BCAR1: variants seen among roughly 807,000 people sequenced by gnomAD.
BCAR1 encodes the protein BCAR1 scaffold protein, Cas family member.
BCAR1 carries 30 observed loss-of-function variants against 67.6 expected under a neutral mutation model. That is an observed-to-expected ratio of 0.44 (90% CI 0.33 to 0.60). BCAR1 has a LOEUF of 0.60. Among genes scored for constraint, BCAR1 ranks in the 20% least tolerant of loss-of-function variants. The pLI is 0.02. For missense variants in BCAR1, 1,313 were observed against 1,222.3 expected (o/e 1.07, Z -1.11); for synonymous variants, 626 against 556.7 (o/e 1.12, Z -1.75).
intron 3 of BCAR1, 26 bp downstream of exon 3, chr16:75,237,157 C>T (rs1175243785): frequency 6.7e-7 from 1 of 1,501,522 alleles, no homozygotes; most frequent in Non-Finnish European, 8.8e-7. Context: ...GCCCTGCCCT[C>T]CCACCGCTGC....
intron 1 of BCAR1, chr16:75,246,951 C>T (rs1176459881): frequency 6.6e-6 from 1 of 152,310 alleles, no homozygotes; most frequent in Non-Finnish European, 1.5e-5. Flanking sequence ...ACACTGTCAG[C>T]CACCTGTGTC....
intron 1 of BCAR1, chr16:75,250,654 T>C: frequency 1.0e-6 from 1 of 985,426 alleles, no homozygotes; most frequent in Non-Finnish European, 1.2e-6. Context: ...ATCTCCGCTT[T>C]CCCAACTCCC....
intron 1 of BCAR1, chr16:75,249,424 G>A (rs189302946): frequency 6.6e-6 from 1 of 152,394 alleles, no homozygotes; most frequent in Admixed American, 6.5e-5. Flanking sequence ...GGGCCAGGAA[G>A]GGCCTGACAG....
chr16:75,238,796 C>A, intron 2 of BCAR1: 1 of 985,576 alleles, frequency 1.0e-6, no homozygotes, highest in South Asian at 4.7e-5. Context: ...ATGCAGGGAC[C>A]TGCCAACAGC....
chr16:75,230,113 C>T lies in BCAR1; in HGVS notation c.2101-90G>A, dbSNP rs529933422. The T allele has an allele frequency of 3.1e-4, 444 of 1,454,528 alleles. 3 individuals are homozygous for T. The highest frequency in any genetic ancestry group is 1.0e-4 in the Non-Finnish European group (113 of 1,089,584). 90.1% of individuals were successfully genotyped at this position (1,454,528 alleles called of 1,614,324 possible). On this transcript the variant is annotated intron_variant, in intron 6 of 6. Transcript: ENST00000162330. ...CCTGGGCACCCTGGGCTGGGCTTCT[C>T]TAAAAGGGCCGCTACTCAGAGTGCA... is the stretch of plus-strand genomic sequence containing the variant.
upstream of BCAR1, chr16:75,251,777 C>T: frequency 1.6e-6 from 1 of 641,712 alleles, no homozygotes; most frequent in Non-Finnish European, 1.9e-6. Context: ...CAGTAGGGGC[C>T]GCCCCCCGCC....
rs2076839683 is a variant in BCAR1 at position 75,229,992 on chromosome 16, ACCT to A, written c.2129_2131del (p.Glu710del). The A allele has an allele frequency of 6.4e-7, 1 of 1,563,592 alleles. No homozygotes were observed. The highest frequency in any genetic ancestry group is 8.7e-7 in the Non-Finnish European group (1 of 1,152,432). Reference sequence around the variant, plus strand: ...CAGGTCGTGGTCTATGGGCCGTGACACCTCCTGTTCCAGTCGTTCAAACTGCTT... The same window carrying A: ...CAGGTCGTGGTCTATGGGCCGTGACACCTGTTCCAGTCGTTCAAACTGCTT... On this transcript the variant is annotated inframe_deletion, in exon 7 of 7. Transcript: ENST00000162330.
Position 75,228,856 on chromosome 16 carries a change from G to A in BCAR1, c.*655C>T, listed in dbSNP as rs1370481169. On this transcript the variant is annotated 3_prime_UTR_variant, in exon 7 of 7. Transcript: ENST00000162330. ...CCCAGGGCCTTGTGGCCAGCTGCAG[G>A]CCTCACCCCGCCTCCAGGAGACACC... is the stretch of plus-strand genomic sequence containing the variant. 1 of 152,360 alleles carries A rather than the reference G, an allele frequency of 6.6e-6. No individual in the cohort carries two copies. The highest frequency in any genetic ancestry group is 1.5e-5 in the Non-Finnish European group (1 of 68,192). The allele number at this position is 152,360 out of a possible 1,614,324, so 9.4% of individuals were successfully genotyped here.
intron 1 of BCAR1, among the ~76,000 whole-genome samples, chr16:75,267,115 C>A (rs926726296): frequency 3.3e-5 from 5 of 152,140 alleles, no homozygotes; most frequent in African/African-American, 1.2e-4. Flanking sequence ...CCCCAAGGGG[C>A]GTGCAGCCTT....
At chr16:75,233,759 G>A (rs1273684018) in intron 6 of BCAR1, 87 bp downstream of exon 6, 2 of 1,364,566 alleles carry the variant, frequency 1.5e-6, no homozygotes, top group Non-Finnish European at 2.0e-6. Context: ...AGAAGCTGGG[G>A]ACCCGGGGTC....
chr16:75,247,987 C>T, intron 1 of BCAR1: 3 of 948,528 alleles, frequency 3.2e-6, no homozygotes, highest in South Asian at 2.6e-5. Context: ...CTGCGGGAGG[C>T]AGAGCTCTTT....
At chr16:75,237,162 C>A in intron 3 of BCAR1, 21 bp downstream of exon 3, 1 of 1,517,676 alleles carries the variant, frequency 6.6e-7, no homozygotes, top group Non-Finnish European at 8.8e-7. Context: ...GCCCTCCCAC[C>A]GCTGCGCACC....
At position 75,264,387 on chromosome 16, in the gene BCAR1, C is replaced by T. The variant is rs146094747; in HGVS notation, c.66+3528G>A. The T allele has an allele frequency of 1.1e-5, 17 of 1,532,340 alleles. No individual in the cohort carries two copies. The Middle Eastern group carries it at 6.7e-4, about 60-fold the overall frequency. 94.9% of individuals were successfully genotyped at this position (1,532,340 alleles called of 1,614,324 possible). On this transcript the variant is annotated intron_variant, in intron 1 of 6. Transcript: ENST00000393422. Reference sequence around the variant, plus strand: ...CAGGCTCAGGTGGTCCGCCTTGTCCCTCTGCCCAGTGCCCACAGGAGCAGG... The same window carrying T: ...CAGGCTCAGGTGGTCCGCCTTGTCCTTCTGCCCAGTGCCCACAGGAGCAGG...
chr16:75,237,577 C>A, intron 2 of BCAR1: 1 of 513,442 alleles, frequency 1.9e-6, no homozygotes, highest in Non-Finnish European at 3.3e-6. Flanking sequence ...CTGCCTCGTC[C>A]TGGGCCAGGA....
At chr16:75,234,842 G>T in intron 5 of BCAR1, 47 bp downstream of exon 5, 1 of 1,514,210 alleles carries the variant, frequency 6.6e-7, no homozygotes, top group Non-Finnish European at 8.8e-7. Flanking sequence ...AAGCACAGGA[G>T]CCCAGCGTGG....
In BCAR1 at chr16:75,235,501, C is replaced by G. The variant is rs775196763; in HGVS notation, c.1398G>C (p.Leu466=). The part of the protein sequence containing the change: ...LEVAVEALAR[L]QQGVSATVAH... ...CAACGGTGGCGCTCACACCCTGCTG[C>G]AGCCGTGCCAGGGCCTCCACAGCAA... is the stretch of plus-strand genomic sequence containing the variant. The change falls in exon 5 of 7, where the codon CTG becomes CTC. Residue 466 remains leucine, a synonymous_variant. Coordinates refer to ENST00000162330, the MANE Select transcript of BCAR1 (RefSeq NM_014567.5). The G allele has an allele frequency of 6.3e-6, 10 of 1,597,936 alleles. No individual in the cohort carries two copies. Among genetic ancestry groups the G allele is most frequent in the South Asian group, 1.1e-5 (1 of 89,288 alleles).
At chr16:75,237,569 G>C (rs1268573791) in intron 2 of BCAR1, 1 of 528,224 alleles carries the variant, frequency 1.9e-6, no homozygotes, top group East Asian at 3.5e-5. Context: ...ATTCAGAGCT[G>C]CCTCGTCCTG....
chr16:75,242,531 A>G lies in BCAR1; in HGVS notation c.572T>C (p.Ile191Thr). ...VPPSAGMGHD[I>T]YQVPPSMDTR... is the part of the protein sequence containing the mutation. ...GTCCATGGACGGGGGGACCTGGTAG[A>G]TGTCATGCCCCATCCCGGCAGAAGG... Residue 191 changes from isoleucine to threonine, a missense_variant, in exon 2 of 7, where the codon ATC becomes ACC. This residue lies in a region of BCAR1 where 1,272 missense variants were observed against 1,137.5 expected (regional missense o/e 1.12). Coordinates refer to ENST00000162330, the MANE Select transcript of BCAR1 (RefSeq NM_014567.5). The G allele has an allele frequency of 6.7e-7, 1 of 1,484,182 alleles. No individual in the cohort carries two copies. Among genetic ancestry groups the G allele is most frequent in the African/African-American group, 1.4e-5 (1 of 70,598 alleles). The allele number at this position is 1,484,182 out of a possible 1,614,324, so 91.9% of individuals were successfully genotyped here.
rs1363659039 is a variant in BCAR1, at chr16:75,236,036, C to T, written c.913-50G>A. ...CTGTCCATCTGTCCATCTGCCCACC[C>T]CAGGGACTGGGGGCAGCACCCAGCC... On this transcript the variant is annotated intron_variant, in intron 4 of 6. Coordinates refer to ENST00000162330, the MANE Select transcript of BCAR1 (RefSeq NM_014567.5). 6 of 1,524,212 alleles carry T rather than the reference C, an allele frequency of 3.9e-6. No individual in the cohort carries two copies. In the Admixed American group the frequency reaches 1.2e-4, roughly 31 times the overall value. 94.4% of individuals were successfully genotyped at this position (1,524,212 alleles called of 1,614,324 possible). A position where few individuals can be genotyped will look rare whatever the true frequency, so the allele number is the denominator to read the frequency against.
Sources: gnomAD v4.1 joint callset for allele counts (sites outside exome capture counted in the v4.1 genomes callset) on GRCh38, gnomAD v4.1.1 for gene constraint, gnomAD v4.1.1 regional missense constraint, MANE v1.5 for transcripts, NCBI Gene and HGNC (gene_info 2026-07-23, HGNC 2026-07-21) for gene names.